Variants in DMD observed in about 807,000 individuals in gnomAD.
DMD encodes mutant dystrophin.
Under a neutral mutation model 330.1 loss-of-function variants are expected in DMD, and 63 were observed. The observed-to-expected ratio is 0.19, with a 90% CI of 0.16 to 0.24. The LOEUF (loss-of-function observed/expected upper bound fraction) is 0.24. DMD is among the 10% of genes least tolerant of loss of function. The pLI is 1.00. For synonymous variants in DMD, 1,223 were observed against 959.8 expected (o/e 1.27, Z -5.07); for missense variants, 3,344 against 2,684.1 (o/e 1.25, Z -5.43).
intron 44 of DMD, among the ~76,000 whole-genome samples, chrX:32,159,479 C>T (rs892647285): frequency 8.9e-6 from 1 of 112,081 alleles, no homozygotes; most frequent in African/African-American, 3.2e-5. Flanking sequence ...CTCACCCAGG[C>T]ATTTGGATGT....
intron 44 of DMD, among the ~76,000 whole-genome samples, chrX:32,189,351 C>T (rs1376040685): frequency 1.0e-5 from 1 of 98,930 alleles, no homozygotes; most frequent in East Asian, 3.1e-4. Context: ...TGCTTCTTTA[C>T]TAGGGTGTCA....
rs541903742 is a variant in DMD at position 31,657,791 on chromosome X, C to T, written c.8027+199G>A. ...GGTTATGTCACTACTTTTGTGACAGCGGGCAAATGAGATCTTATGTTCCTC... is the reference window on the plus strand; with the variant it reads ...GGTTATGTCACTACTTTTGTGACAGTGGGCAAATGAGATCTTATGTTCCTC... On this transcript the variant is annotated intron_variant, in intron 54 of 78. Coordinates refer to ENST00000357033, the MANE Select transcript of DMD (RefSeq NM_004006.3). 3.6e-4 allele frequency among the ~76,000 whole-genome samples: 40 copies of T among 111,435 alleles called. No individual in the cohort carries two copies. The South Asian group carries it at 0.014, about 39-fold the overall frequency.
intron 9 of DMD, among the ~76,000 whole-genome samples, chrX:32,693,319 A>G (rs191944565): frequency 8.9e-6 from 1 of 112,409 alleles, no homozygotes; most frequent in East Asian, 2.8e-4. Flanking sequence ...ATATGTGTTG[A>G]TTAGGGGCAC....
chrX:32,077,098 C>T (rs2096358080), intron 44 of DMD, among the ~76,000 whole-genome samples: 1 of 111,253 alleles, frequency 9.0e-6, no homozygotes, highest in Non-Finnish European at 1.9e-5. Context: ...CAAAAACTGG[C>T]AAAATTAATC....
chrX:31,322,616 G>GC (rs1475835717), intron 62 of DMD, among the ~76,000 whole-genome samples: 3 of 111,834 alleles, frequency 2.7e-5, no homozygotes, highest in Non-Finnish European at 5.6e-5. Context: ...CAAAATAGAG[G>GC]CATAAAATCA....
intron 2 of DMD, among the ~76,000 whole-genome samples, chrX:32,959,046 C>G (rs1315405885): frequency 9.0e-6 from 1 of 111,389 alleles, no homozygotes; most frequent in Admixed American, 9.6e-5. Flanking sequence ...TAAGTTATTA[C>G]AAATATGTTC....
chrX:31,961,951 G>A (rs1399945067), intron 45 of DMD, among the ~76,000 whole-genome samples: 1 of 110,244 alleles, frequency 9.1e-6, no homozygotes, highest in African/African-American at 3.3e-5. Context: ...GAGAAGGTTG[G>A]TAGGAAGAAA....
intron 44 of DMD, among the ~76,000 whole-genome samples, chrX:32,158,503 G>A (rs938598087): frequency 1.8e-5 from 2 of 111,894 alleles, no homozygotes; most frequent in African/African-American, 6.5e-5. Flanking sequence ...TTTCCAATAA[G>A]CTCCCAAGTG....
At chrX:32,272,617 T>C (rs991288716) in intron 43 of DMD, among the ~76,000 whole-genome samples, 15 of 111,767 alleles carry the variant, frequency 1.3e-4, no homozygotes, top group Admixed American at 7.6e-4. Flanking sequence ...GGTCACGATA[T>C]AGACTCTGGC....
In DMD at chrX:31,496,929, G is replaced by T; in HGVS notation, c.8406C>A (p.Ala2802=). The change falls in exon 57 of 79, where the codon GCC becomes GCA. Residue 2802 remains alanine, a synonymous_variant. Transcript: ENST00000357033. ...GCAGACGCTTCCACTGGTCAGAACT[G>T]GCTTCCAAATGGGACCTGAAAAAGA... The part of the protein sequence containing the change: ...KSLNIRSHLE[A]SSDQWKRLHL... 8.3e-7 allele frequency: 1 copy of T among 1,209,086 alleles called. No homozygotes were observed. Among genetic ancestry groups the T allele is most frequent in the Non-Finnish European group, 1.1e-6 (1 of 894,027 alleles).
chrX:33,118,377 T>C (rs1424188386), intron 1 of DMD, among the ~76,000 whole-genome samples: 1 of 111,321 alleles, frequency 9.0e-6, no homozygotes, highest in Non-Finnish European at 1.9e-5. Context: ...CCCAAAGTGC[T>C]GGGATTACAG....
At chrX:31,639,187 A>G (rs1225910315) in intron 54 of DMD, among the ~76,000 whole-genome samples, 1 of 111,799 alleles carries the variant, frequency 8.9e-6, no homozygotes, top group Non-Finnish European at 1.9e-5. Flanking sequence ...CACAAAAAAA[A>G]GAGGCATCCT....
At chrX:32,811,007 T>G (rs1460057138) in intron 6 of DMD, among the ~76,000 whole-genome samples, 1 of 109,938 alleles carries the variant, frequency 9.1e-6, no homozygotes, top group Non-Finnish European at 1.9e-5. Flanking sequence ...ATCACATCAC[T>G]GATAAGTTCT....
intron 2 of DMD, among the ~76,000 whole-genome samples, chrX:32,979,020 G>A (rs1470882552): frequency 8.9e-6 from 1 of 112,111 alleles, no homozygotes; most frequent in Non-Finnish European, 1.9e-5. Flanking sequence ...TTAGGCAAAT[G>A]TGACTGAGCT....
intron 30 of DMD, among the ~76,000 whole-genome samples, chrX:32,406,237 C>A (rs1229190894): frequency 9.0e-6 from 1 of 111,051 alleles, no homozygotes; most frequent in Non-Finnish European, 1.9e-5. Context: ...GATTGAATAC[C>A]CTTTATTTCC....
intron 1 of DMD, among the ~76,000 whole-genome samples, chrX:33,176,246 C>T (rs1476006843): frequency 9.0e-6 from 1 of 111,276 alleles, no homozygotes; most frequent in East Asian, 2.8e-4. Flanking sequence ...ATCCCTGTTC[C>T]TCTTCAAGCA....
chrX:31,805,196 A>G (rs2092248344), intron 50 of DMD, among the ~76,000 whole-genome samples: 1 of 111,961 alleles, frequency 8.9e-6, no homozygotes, highest in South Asian at 3.7e-4. Flanking sequence ...CCTGATGGTG[A>G]CATCTCCTGC....
intron 1 of DMD, among the ~76,000 whole-genome samples, chrX:33,256,184 A>G (rs1310846645): frequency 9.0e-6 from 1 of 111,384 alleles, no homozygotes; most frequent in African/African-American, 3.2e-5. Context: ...TGCATAGACA[A>G]GCTAGCATGC....
At chrX:31,414,602 C>A (rs1054519477) in intron 60 of DMD, among the ~76,000 whole-genome samples, 3 of 111,842 alleles carry the variant, frequency 2.7e-5, no homozygotes, top group African/African-American at 9.7e-5. Context: ...TTAATTACGC[C>A]GCTATCTAAA....
Sources: gnomAD v4.1 joint callset for allele counts (sites outside exome capture counted in the v4.1 genomes callset) on GRCh38, gnomAD v4.1.1 for gene constraint, MANE v1.5 for transcripts, NCBI Gene and HGNC (gene_info 2026-07-23, HGNC 2026-07-21) for gene names.